Variants in BRD2 observed in about 807,000 individuals in gnomAD.
The protein encoded by BRD2 is bromodomain containing 2, also known as bromodomain-containing protein 2.
A neutral mutation model predicts 79.1 loss-of-function variants in BRD2; 15 were observed. The observed-to-expected ratio is 0.19, with a 90% CI of 0.13 to 0.29. BRD2 has a LOEUF of 0.29. BRD2 is among the 10% of genes least tolerant of loss of function. BRD2 has a pLI of 1.00. For missense variants in BRD2, 1,053 were observed against 991.3 expected (o/e 1.06, Z -0.84); for synonymous variants, 488 against 358.6 (o/e 1.36, Z -4.08).
In BRD2 at chr6:32,977,764, T is replaced by C. The variant is rs1295845610; in HGVS notation, c.1337T>C (p.Phe446Ser). The C allele has an allele frequency of 6.2e-7, 1 of 1,612,962 alleles. No individual in the cohort carries two copies. The highest frequency in any genetic ancestry group is 1.3e-5 in the African/African-American group (1 of 74,930). Residue 446 changes from phenylalanine to serine, a missense_variant, in exon 9 of 13, where the codon TTT becomes TCT. Transcript: ENST00000374825. ...GTTTGTGCCTCTTTGTAGGATGTAT[T>C]TGAGTTCCGTTATGCCAAGATGCCA... ...VAMARKLQDV[F>S]EFRYAKMPDE...
Position 32,972,801 on chromosome 6 carries a change from C to T in BRD2, c.-98C>T. The T allele has an allele frequency of 3.2e-6, 5 of 1,585,978 alleles. No individual in the cohort carries two copies. Among genetic ancestry groups the T allele is most frequent in the Non-Finnish European group, 2.6e-6 (3 of 1,160,318 alleles). ...TGGAGGCCCAAGAGGAACGGCCTCC[C>T]CCCAACTTAGCGGGTTATGCTGGAC... On this transcript the variant is annotated 5_prime_UTR_variant, in exon 2 of 13. Transcript: ENST00000374825.
rs748307554 is a variant in BRD2, at chr6:32,972,863, C to A, written c.-36C>A. On this transcript the variant is annotated 5_prime_UTR_variant, in exon 2 of 13. Transcript: ENST00000374825. ...GGGAACCGAGGCCACCCGGACTTTC[C>A]GCGGCTGAGGGCAGCGCCGGTTCCT... 5 of 1,613,902 alleles carry A rather than the reference C, an allele frequency of 3.1e-6. No homozygotes were observed. In the East Asian group the frequency reaches 1.1e-4, roughly 36 times the overall value.
chr6:32,969,912 C>T (rs374499929), intron 1 of BRD2, among the ~76,000 whole-genome samples: 1 of 152,180 alleles, frequency 6.6e-6, no homozygotes. Flanking sequence ...ACAGTTCTCT[C>T]CTTGTGTACT....
Position 32,979,275 on chromosome 6 carries a change from G to A in BRD2, c.1842-553G>A, listed in dbSNP as rs113593834. 732 of 155,786 alleles carry A rather than the reference G, an allele frequency of 4.7e-3. 9 individuals carry two copies. The highest frequency in any genetic ancestry group is 0.017 in the African/African-American group (702 of 41,444). 9.7% of individuals were successfully genotyped at this position (155,786 alleles called of 1,614,324 possible). A position where few individuals can be genotyped will look rare whatever the true frequency, so the allele number is the denominator to read the frequency against. On this transcript the variant is annotated intron_variant, in intron 10 of 12. Transcript: ENST00000374825. ...GTAGTTTTAGTGGAGACGGGGTTTC[G>A]CCATGTTGGGCAGGCTGGTCTTGAA... is the stretch of plus-strand genomic sequence containing the variant.
chr6:32,968,669 GA>G lies in BRD2; in HGVS notation c.-1691del, dbSNP rs1445356961. On this transcript the variant is annotated 5_prime_UTR_variant, in exon 1 of 13. An upstream open reading frame in the 5' UTR gains an earlier in-frame stop. Coordinates refer to ENST00000374825, the MANE Select transcript of BRD2 (RefSeq NM_005104.4). Reference sequence around the variant, plus strand: ...GGGGGGACAGAGTCCAGGACTGCGGGATAGGAAGCTGGGGATATGGACAAGC... The same window carrying G: ...GGGGGGACAGAGTCCAGGACTGCGGGTAGGAAGCTGGGGATATGGACAAGC... The G allele has an allele frequency of 6.5e-6, 1 of 153,410 alleles. No individual in the cohort carries two copies. The highest frequency in any genetic ancestry group is 1.5e-5 in the Non-Finnish European group (1 of 68,782). 9.5% of individuals were successfully genotyped at this position (153,410 alleles called of 1,614,324 possible). A position where few individuals can be genotyped will look rare whatever the true frequency, so the allele number is the denominator to read the frequency against.
intron 3 of BRD2, 151 bp downstream of exon 3, chr6:32,974,916 G>C (rs552261283): frequency 5.7e-6 from 8 of 1,394,124 alleles, no homozygotes; most frequent in South Asian, 5.1e-5. Context: ...GGGTATCTTG[G>C]TCCTTTGTGA....
Position 32,972,527 on chromosome 6 carries a change from G to C in BRD2, c.-372G>C, listed in dbSNP as rs1582885730. On this transcript the variant is annotated 5_prime_UTR_variant, in exon 2 of 13. Coordinates refer to ENST00000374825, the MANE Select transcript of BRD2 (RefSeq NM_005104.4). ...CCATCCGAGATCGAAACGGGACCTC[G>C]TCGGCCCCGTAGGGGCCCGACAAGA... 2.8e-6 allele frequency: 1 copy of C among 351,760 alleles called. No individual in the cohort carries two copies. Among genetic ancestry groups the C allele is most frequent in the South Asian group, 3.9e-5 (1 of 25,536 alleles). 21.8% of individuals were successfully genotyped at this position (351,760 alleles called of 1,614,324 possible).
Position 32,976,872 on chromosome 6 carries a change from C to T in BRD2, c.1136C>T (p.Ser379Phe). 1.2e-6 allele frequency: 2 copies of T among 1,613,140 alleles called. No individual in the cohort carries two copies. Among genetic ancestry groups the T allele is most frequent in the Non-Finnish European group, 1.7e-6 (2 of 1,180,034 alleles). ...AWPFYKPVDA[S>F]ALGLHDYHDI... ...CCTTTCTATAAACCAGTGGATGCTT[C>T]TGCACTTGGCCTGCATGACTACCAT... The change falls in exon 7 of 13, where the codon TCT (serine) becomes TTT (phenylalanine). Residue 379 changes from serine (S) to phenylalanine (F), a missense_variant. Coordinates refer to ENST00000374825, the MANE Select transcript of BRD2 (RefSeq NM_005104.4).
At position 32,971,791 on chromosome 6, in the gene BRD2, A is replaced by T. The variant is rs1016501650; in HGVS notation, c.-1108A>T. 8 of 630,392 alleles carry T rather than the reference A, an allele frequency of 1.3e-5. 1 individual carries two copies. The highest frequency in any genetic ancestry group is 1.4e-5 in the Non-Finnish European group (5 of 352,448). The allele number at this position is 630,392 out of a possible 1,614,324, so 39.0% of individuals were successfully genotyped here. ...GTTGGGCTGTGCATGGAAGCTTGGG[A>T]AGACTTTGTTGGAAGGGGAGGCGGG... On this transcript the variant is annotated 5_prime_UTR_variant, in exon 2 of 13. An upstream open reading frame in the 5' UTR gains an earlier in-frame stop. Transcript: ENST00000374825.
intron 10 of BRD2, chr6:32,979,560 T>C: frequency 2.2e-6 from 1 of 460,172 alleles, no homozygotes; most frequent in Non-Finnish European, 3.8e-6. Flanking sequence ...TTCCAACATG[T>C]TTGTGTGTCA....
At chr6:32,974,044 C>T (rs1275810374) in intron 2 of BRD2, among the ~76,000 whole-genome samples, 1 of 152,074 alleles carries the variant, frequency 6.6e-6, no homozygotes, top group Non-Finnish European at 1.5e-5. Flanking sequence ...TTCCTCCTTA[C>T]CGGCGCTCAA....
chr6:32,978,447 C>T (rs1779074446), intron 10 of BRD2, 59 bp downstream of exon 10: 2 of 1,570,144 alleles, frequency 1.3e-6, no homozygotes, highest in Non-Finnish European at 1.7e-6. Context: ...TGGGGGATGC[C>T]ATCTCTCTTT....
chr6:32,974,939 C>T, intron 3 of BRD2, 174 bp downstream of exon 3: 2 of 1,408,776 alleles, frequency 1.4e-6, no homozygotes, highest in Non-Finnish European at 1.9e-6. Context: ...GATCCGACCG[C>T]TTGCTGTAAC....
chr6:32,973,957 T>C (rs1778373357), intron 2 of BRD2, among the ~76,000 whole-genome samples: 1 of 152,320 alleles, frequency 6.6e-6, no homozygotes. Context: ...AAGATGGTGC[T>C]CTCTCTTCTA....
In BRD2 at chr6:32,972,743, C is replaced by A; in HGVS notation, c.-156C>A. 8.6e-7 allele frequency: 1 copy of A among 1,161,746 alleles called. No homozygotes were observed. Among genetic ancestry groups the A allele is most frequent in the Non-Finnish European group, 1.2e-6 (1 of 802,006 alleles). 72.0% of individuals were successfully genotyped at this position (1,161,746 alleles called of 1,614,324 possible). A position where few individuals can be genotyped will look rare whatever the true frequency, so the allele number is the denominator to read the frequency against. The stretch of plus-strand genomic sequence containing the variant: ...TCTCCGAGAGGCCCCAAAGAGACTG[C>A]TTTCGTGCCGGCCAGGCAGGGGGTT... On this transcript the variant is annotated 5_prime_UTR_variant, in exon 2 of 13. Coordinates refer to ENST00000374825, the MANE Select transcript of BRD2 (RefSeq NM_005104.4).
Position 32,977,533 on chromosome 6 carries a change from C to T in BRD2, c.1292C>T (p.Pro431Leu). ...TCCAACTGCTATAAGTACAATCCCC[C>T]AGATCACGATGTTGTGGCAATGGCA... ...MFSNCYKYNP[P>L]DHDVVAMARK... Residue 431 changes from proline (P) to leucine (L), a missense_variant, in exon 8 of 13, where the codon CCA becomes CTA. Transcript: ENST00000374825. The T allele has an allele frequency of 6.2e-7, 1 of 1,614,068 alleles. No individual in the cohort carries two copies. Among genetic ancestry groups the T allele is most frequent in the Non-Finnish European group, 8.5e-7 (1 of 1,180,042 alleles).
At chr6:32,969,529 T>C (rs1037160943) in intron 1 of BRD2, among the ~76,000 whole-genome samples, 12 of 152,168 alleles carry the variant, frequency 7.9e-5, no homozygotes, top group East Asian at 3.9e-4. Flanking sequence ...GGAGGGAGCA[T>C]TGCTGTGCGC....
rs760842460 is a variant in BRD2, at chr6:32,977,747, C to G, written c.1330-10C>G. 3 of 1,612,752 alleles carry G rather than the reference C, an allele frequency of 1.9e-6. No homozygotes were observed. The highest frequency in any genetic ancestry group is 1.7e-6 in the Non-Finnish European group (2 of 1,179,836). ...TATCAGCATAGTTTTGAGTTTGTGC[C>G]TCTTTGTAGGATGTATTTGAGTTCC... On this transcript the variant is annotated splice_polypyrimidine_tract_variant and intron_variant, in intron 8 of 12. Transcript: ENST00000374825.
chr6:32,975,408 C>T lies in BRD2; in HGVS notation c.358C>T (p.Pro120Ser), dbSNP rs1273520463. 6.8e-6 allele frequency: 11 copies of T among 1,607,352 alleles called. No individual in the cohort carries two copies. Among genetic ancestry groups the T allele is most frequent in the African/African-American group, 2.7e-5 (2 of 74,514 alleles). ...GGATTATCACAAAATTATAAAACAG[C>T]CTATGGACATGGGTACTATTAAGAG... is the stretch of plus-strand genomic sequence containing the variant. Reference protein sequence around the residue: ...LPDYHKIIKQPMDMGTIKRRL... With the variant: ...LPDYHKIIKQSMDMGTIKRRL... The change falls in exon 4 of 13, where the codon CCT (proline) becomes TCT (serine). Residue 120 changes from proline to serine, a missense_variant. Physicochemically the swap from Pro to Ser is moderately conservative, Grantham distance 74. Around this residue, in one of 5 missense-constraint regions of BRD2, gnomAD observed 413 missense variants for 335.1 expected, o/e 1.23. Coordinates refer to ENST00000374825, the MANE Select transcript of BRD2 (RefSeq NM_005104.4).
Sources: allele counts gnomAD v4.1 joint callset (sites outside exome capture counted in the v4.1 genomes callset), GRCh38; gene constraint gnomAD v4.1.1; regional missense constraint gnomAD v4.1.1; transcripts MANE v1.5; gene names NCBI Gene and HGNC (gene_info 2026-07-23, HGNC 2026-07-21).